PGM2: variants seen among roughly 807,000 people sequenced by gnomAD.
The protein encoded by PGM2 is phosphoglucomutase 2, also known as phosphopentomutase.
PGM2 carries 57 observed loss-of-function variants against 74.6 expected under a neutral mutation model. The ratio of observed to expected loss-of-function variants is 0.76; its 90% CI spans 0.62 to 0.95. PGM2 has a LOEUF of 0.95. Among genes scored for constraint, PGM2 ranks in the 40% least tolerant of loss-of-function variants. The probability of loss-of-function intolerance (pLI) is 0.00; values close to 1 mark genes in which losing one functional copy is unlikely to be tolerated. For missense variants in PGM2, 706 were observed against 741.9 expected, an observed-to-expected ratio of 0.95 and a Z score of 0.56; for synonymous variants, 273 against 260.7, an observed-to-expected ratio of 1.05 and a Z score of -0.46.
At position 37,834,664 on chromosome 4, in the gene PGM2, A is replaced by G. The variant is rs981074044; in HGVS notation, c.296A>G (p.Lys99Arg). 1.2e-6 allele frequency: 2 copies of G among 1,603,138 alleles called. No individual in the cohort carries two copies. The highest frequency in any genetic ancestry group is 2.7e-5 in the African/African-American group (2 of 74,478). ...LEKQFSDLKQ[K>R]GIVISFDARA... ...AAACAATTCAGTGACTTAAAGCAGA[A>G]AGGCATCGTGATCAGTTTTGACGCC... The change falls in exon 3 of 14, where the codon AAA (lysine) becomes AGA (arginine). Residue 99 changes from lysine to arginine, a missense_variant. Physicochemically the swap from Lys to Arg is conservative, Grantham distance 26. Coordinates refer to ENST00000381967, the MANE Select transcript of PGM2 (RefSeq NM_018290.4).
chr4:37,838,139 C>A (rs143631217), intron 4 of PGM2, among the ~76,000 whole-genome samples: 3 of 152,156 alleles, frequency 2.0e-5, no homozygotes, highest in African/African-American at 7.2e-5. Context: ...GCTTGGCCTC[C>A]GGAAGTGCTG....
At chr4:37,841,188 GGTTT>G (rs112734590) in intron 6 of PGM2, among the ~76,000 whole-genome samples, 30 of 141,322 alleles carry the variant, frequency 2.1e-4, no homozygotes, top group African/African-American at 6.4e-4. Context: ...GTGTGTGTGT[GGTTT>G]GTTCTGTGCA....
intron 8 of PGM2, 70 bp from the exon 9 acceptor site, chr4:37,846,861 C>T (rs999533492): frequency 2.4e-6 from 3 of 1,233,382 alleles, no homozygotes; most frequent in African/African-American, 3.1e-5. Flanking sequence ...TGTTTTATCC[C>T]CATGACACTT....
chr4:37,858,387 A>C (rs956848354), intron 13 of PGM2, among the ~76,000 whole-genome samples: 1 of 151,604 alleles, frequency 6.6e-6, no homozygotes, highest in African/African-American at 2.4e-5. Flanking sequence ...CCCAGGCTGG[A>C]GTGCAATGGT....
chr4:37,827,037 C>A (rs886834552), intron 1 of PGM2, among the ~76,000 whole-genome samples: 1 of 152,256 alleles, frequency 6.6e-6, no homozygotes, highest in Non-Finnish European at 1.5e-5. Flanking sequence ...CCGGACGAAA[C>A]CAGCCATCCG....
Position 37,850,299 on chromosome 4 carries a change from T to A in PGM2, c.1528T>A (p.Cys510Ser). 1 of 1,591,818 alleles carries A rather than the reference T, an allele frequency of 6.3e-7. No homozygotes were observed. The highest frequency in any genetic ancestry group is 1.4e-5 in the African/African-American group (1 of 73,202). Residue 510 changes from cysteine to serine, a missense_variant, in exon 12 of 14, where the codon TGT becomes AGT. Physicochemically the swap from Cys to Ser is moderately radical, Grantham distance 112. Coordinates refer to ENST00000381967, the MANE Select transcript of PGM2 (RefSeq NM_018290.4). ...TGGAAAAAATAATTATCCAAAAGCT[T>A]GTGGCAAATTTGAAATTTCTGCCAT... ...YDGKNNYPKACGKFEISAIRD... is the reference protein window; with the variant it reads ...YDGKNNYPKASGKFEISAIRD...
chr4:37,845,745 G>T lies in PGM2; in HGVS notation c.1007+15G>T. On this transcript the variant is annotated intron_variant, in intron 8 of 13. Transcript: ENST00000381967. The stretch of plus-strand genomic sequence containing the variant: ...AAGCAAGACAGGTAAAATTAATTGT[G>T]ATTACCTATATTATAGAACATATAA... 1 of 1,444,296 alleles carries T rather than the reference G, an allele frequency of 6.9e-7. No individual in the cohort carries two copies. Among genetic ancestry groups the T allele is most frequent in the Non-Finnish European group, 9.8e-7 (1 of 1,024,946 alleles). The allele number at this position is 1,444,296 out of a possible 1,614,324, so 89.5% of individuals were successfully genotyped here.
At chr4:37,847,697 A>C (rs1336866421) in intron 10 of PGM2, among the ~76,000 whole-genome samples, 4 of 152,196 alleles carry the variant, frequency 2.6e-5, no homozygotes, top group Non-Finnish European at 4.4e-5. Flanking sequence ...GGAAAGGAGA[A>C]GGAAGGCATG....
Position 37,848,556 on chromosome 4 carries a change from T to C in PGM2, c.1317T>C (p.Asp439=). Residue 439 remains aspartate (D), a synonymous_variant, in exon 11 of 14, where the codon GAT becomes GAC. Transcript: ENST00000381967. ...YMCCPFVLDK[D]GVSAAVISAE... is the part of the protein sequence containing the mutation. ...GCTGCCCTTTTGTTCTGGACAAAGA[T>C]GGAGTCAGTGCCGCTGTCATAAGTG... 6.2e-7 allele frequency: 1 copy of C among 1,613,602 alleles called. No homozygotes were observed. The highest frequency in any genetic ancestry group is 8.5e-7 in the Non-Finnish European group (1 of 1,179,496).
At chr4:37,845,531 G>A in intron 7 of PGM2, 102 bp from the exon 8 acceptor site, 2 of 772,340 alleles carry the variant, frequency 2.6e-6, no homozygotes, top group Non-Finnish European at 2.2e-6. Flanking sequence ...CTTTCTAAGA[G>A]GGGAAAGACC....
intron 6 of PGM2, among the ~76,000 whole-genome samples, chr4:37,841,190 T>G (rs371057825): frequency 1.2e-4 from 10 of 83,460 alleles, no homozygotes; most frequent in African/African-American, 2.3e-4. Flanking sequence ...GTGTGTGTGG[T>G]TTGTTCTGTG....
intron 8 of PGM2, 81 bp from the exon 9 acceptor site, chr4:37,846,850 T>G: frequency 1.8e-6 from 2 of 1,081,440 alleles, no homozygotes; most frequent in Non-Finnish European, 2.7e-6. Flanking sequence ...GTTTGCTAAA[T>G]TGTTTTATCC....
rs753998019 is a variant in PGM2, at chr4:37,847,041, A to C, written c.1118A>C (p.Tyr373Ser). 1.2e-6 allele frequency: 2 copies of C among 1,613,608 alleles called. No homozygotes were observed. Among genetic ancestry groups the C allele is most frequent in the Admixed American group, 3.3e-5 (2 of 59,992 alleles). Reference sequence around the variant, plus strand: ...GATCGCAGTGCTCTCAAAGACACGTACATGTTGTCCAGCACCGTCTCCTCC... The same window carrying C: ...GATCGCAGTGCTCTCAAAGACACGTCCATGTTGTCCAGCACCGTCTCCTCC... Reference protein sequence around the residue: ...NQDRSALKDTYMLSSTVSSKI... With the variant: ...NQDRSALKDTSMLSSTVSSKI... The change falls in exon 9 of 14, where the codon TAC becomes TCC. Residue 373 changes from tyrosine (Y) to serine (S), a missense_variant. Tyr to Ser is a moderately radical substitution (Grantham distance 144). Coordinates refer to ENST00000381967, the MANE Select transcript of PGM2 (RefSeq NM_018290.4).
intron 3 of PGM2, 140 bp from the exon 4 acceptor site, chr4:37,837,389 A>C: frequency 1.5e-6 from 1 of 688,770 alleles, no homozygotes; most frequent in Non-Finnish European, 2.7e-6. Flanking sequence ...ATGCCAGGGT[A>C]AAGATTATAA....
At chr4:37,844,266 G>A (rs747719601) in intron 6 of PGM2, 98 bp from the exon 7 acceptor site, 76 of 698,402 alleles carry the variant, frequency 1.1e-4, no homozygotes, top group Admixed American at 2.9e-4. Context: ...AATGGAATTA[G>A]AAAGATGTTC....
At chr4:37,832,411 C>G (rs1166958513) in intron 2 of PGM2, among the ~76,000 whole-genome samples, 1 of 152,198 alleles carries the variant, frequency 6.6e-6, no homozygotes, top group Admixed American at 6.6e-5. Flanking sequence ...ATCAGACTTT[C>G]ATGGTGGCAT....
At chr4:37,853,072 C>T (rs6531583) in intron 12 of PGM2, among the ~76,000 whole-genome samples, 80,958 of 152,020 alleles carry the variant, frequency 0.53, 22,205 homozygotes, top group Non-Finnish European at 0.61. Flanking sequence ...TTCTGTTTTT[C>T]TGGGAGATTT....
chr4:37,837,990 A>G (rs1474958765), intron 4 of PGM2, among the ~76,000 whole-genome samples: 1 of 151,734 alleles, frequency 6.6e-6, no homozygotes, highest in Non-Finnish European at 1.5e-5. Flanking sequence ...AAGCAATTCT[A>G]CTACCTCAGC....
Position 37,834,674 on chromosome 4 carries a change from G to A in PGM2, c.306G>A (p.Val102=). ...QFSDLKQKGI[V]ISFDARAHPS... The stretch of plus-strand genomic sequence containing the variant: ...GTGACTTAAAGCAGAAAGGCATCGT[G>A]ATCAGTTTTGACGCCCGAGCTCATC... Residue 102 remains valine, a synonymous_variant, in exon 3 of 14, where the codon GTG becomes GTA. Coordinates refer to ENST00000381967, the MANE Select transcript of PGM2 (RefSeq NM_018290.4). 6.2e-7 allele frequency: 1 copy of A among 1,604,906 alleles called. No homozygotes were observed. The highest frequency in any genetic ancestry group is 8.5e-7 in the Non-Finnish European group (1 of 1,172,778).
Sources: gnomAD v4.1 joint callset for allele counts (sites outside exome capture counted in the v4.1 genomes callset) on GRCh38, gnomAD v4.1.1 for gene constraint, MANE v1.5 for transcripts, NCBI Gene and HGNC (gene_info 2026-07-23, HGNC 2026-07-21) for gene names.